PCDH11Y: variants seen among roughly 807,000 people sequenced by gnomAD.
PCDH11Y encodes protocadherin 11 Y-linked, also known as protocadherin-11 Y-linked.
For missense variants in PCDH11Y, 12 were observed against 224.8 expected (o/e 0.05, Z 6.05); for synonymous variants, 9 against 83.6 (o/e 0.11, Z 4.87).
intron 4 of PCDH11Y, among the ~76,000 whole-genome samples, chrY:5,677,777 A>G: frequency 3.0e-5 from 1 of 33,060 alleles, no homozygotes. Flanking sequence ...GTGATTTGTC[A>G]TGCTTTCCAG....
intron 3 of PCDH11Y, among the ~76,000 whole-genome samples, chrY:5,569,610 A>G: frequency 3.0e-5 from 1 of 33,459 alleles, no homozygotes; most frequent in Non-Finnish European, 7.4e-5. Context: ...ATTGCTACTT[A>G]GGGATCCGGG....
intron 2 of PCDH11Y, among the ~76,000 whole-genome samples, chrY:5,451,070 G>C: frequency 3.1e-5 from 1 of 32,466 alleles, no homozygotes; most frequent in Non-Finnish European, 7.6e-5. Context: ...GGGTTGACAG[G>C]CTCTAAATAT....
intron 2 of PCDH11Y, among the ~76,000 whole-genome samples, chrY:5,493,204 C>G: frequency 3.0e-5 from 1 of 33,624 alleles, no homozygotes; most frequent in Non-Finnish European, 7.4e-5. Context: ...TTTCCTCTTT[C>G]ATTGTATGCT....
At chrY:5,314,278 A>T in intron 2 of PCDH11Y, among the ~76,000 whole-genome samples, 1 of 27,844 alleles carries the variant, frequency 3.6e-5, no homozygotes, top group Admixed American at 3.5e-4. Context: ...CCTCCCAAGT[A>T]GCTGGGATTA....
At chrY:5,688,636 C>T in intron 4 of PCDH11Y, among the ~76,000 whole-genome samples, 1 of 29,429 alleles carries the variant, frequency 3.4e-5, no homozygotes, top group Non-Finnish European at 8.1e-5. Flanking sequence ...TTAATGCACA[C>T]TCAGATAAAA....
chrY:5,701,907 T>C, intron 4 of PCDH11Y, among the ~76,000 whole-genome samples: 2 of 33,631 alleles, frequency 5.9e-5, no homozygotes, highest in South Asian at 1.3e-3. Flanking sequence ...AACTCACCTC[T>C]TGCATTAGCG....
intron 2 of PCDH11Y, among the ~76,000 whole-genome samples, chrY:5,278,351 A>G (rs2053047442): frequency 3.1e-5 from 1 of 31,787 alleles, no homozygotes; most frequent in African/African-American, 1.2e-4. Flanking sequence ...GCGTTTCACC[A>G]TCTTGGCCAG....
chrY:5,616,223 G>A (rs2053493659), intron 4 of PCDH11Y, among the ~76,000 whole-genome samples: 1 of 33,647 alleles, frequency 3.0e-5, no homozygotes, highest in Admixed American at 2.7e-4. Context: ...TTGGGCAATA[G>A]TTAAAGTGGT....
intron 4 of PCDH11Y, among the ~76,000 whole-genome samples, chrY:5,675,063 A>G: frequency 5.9e-5 from 2 of 33,872 alleles, no homozygotes; most frequent in Non-Finnish European, 1.5e-4. Flanking sequence ...GCTATGAAGA[A>G]ATACCCAAAA....
At chrY:5,194,370 G>C (rs2124648798) in intron 2 of PCDH11Y, among the ~76,000 whole-genome samples, 3 of 26,620 alleles carry the variant, frequency 1.1e-4, no homozygotes, top group Non-Finnish European at 2.6e-4. Flanking sequence ...GGTGGTTGAG[G>C]CTGCAGTGAG....
chrY:5,247,811 A>G (rs2052998619), intron 2 of PCDH11Y, among the ~76,000 whole-genome samples: 252 of 32,078 alleles, frequency 7.9e-3, no homozygotes, highest in African/African-American at 0.028. Flanking sequence ...CAAAAAAAAA[A>G]TTAACAAAAT....
intron 4 of PCDH11Y, among the ~76,000 whole-genome samples, chrY:5,626,047 G>A (rs2053507013): frequency 3.3e-5 from 1 of 30,688 alleles, no homozygotes; most frequent in Non-Finnish European, 7.9e-5. Flanking sequence ...GGATTTTTCT[G>A]TTTGTTAGGC....
chrY:5,407,689 A>G (rs1602920798), intron 2 of PCDH11Y, among the ~76,000 whole-genome samples: 73 of 32,149 alleles, frequency 2.3e-3, no homozygotes, highest in South Asian at 6.3e-3. Context: ...CAAGGCGGGC[A>G]GATCATGAGG....
intron 3 of PCDH11Y, among the ~76,000 whole-genome samples, chrY:5,044,334 G>C (rs1602846571): frequency 3.0e-5 from 1 of 33,210 alleles, no homozygotes; most frequent in East Asian, 8.0e-4. Context: ...TAGTTTCAAA[G>C]AACATCTTTA....
chrY:5,273,573 G>C, intron 2 of PCDH11Y, among the ~76,000 whole-genome samples: 1 of 33,900 alleles, frequency 2.9e-5, no homozygotes, highest in African/African-American at 1.2e-4. Flanking sequence ...GAGTTTATCT[G>C]AAGACCTGGG....
At chrY:5,093,903 C>T in intron 1 of PCDH11Y, among the ~76,000 whole-genome samples, 3 of 32,682 alleles carry the variant, frequency 9.2e-5, no homozygotes, top group African/African-American at 3.5e-4. Flanking sequence ...TGAATGTGTT[C>T]ACATATGCCA....
intron 2 of PCDH11Y, among the ~76,000 whole-genome samples, chrY:5,234,368 C>A: frequency 3.5e-5 from 1 of 28,646 alleles, no homozygotes; most frequent in Non-Finnish European, 8.2e-5. Flanking sequence ...CTCAGCCTCC[C>A]AAGTAGCTGG....
intron 3 of PCDH11Y, among the ~76,000 whole-genome samples, chrY:5,577,018 T>A: frequency 3.0e-5 from 1 of 33,319 alleles, no homozygotes; most frequent in South Asian, 6.6e-4. Flanking sequence ...TCTAACTTGT[T>A]GTGTTAGTCT....
intron 1 of PCDH11Y, among the ~76,000 whole-genome samples, chrY:5,023,266 T>C (rs2052573061): frequency 3.0e-5 from 1 of 33,517 alleles, no homozygotes; most frequent in African/African-American, 1.2e-4. Context: ...CACACTTAGA[T>C]GACAGTATAT....
Sources: allele counts gnomAD v4.1 joint callset (sites outside exome capture counted in the v4.1 genomes callset), GRCh38; gene constraint gnomAD v4.1.1; transcripts MANE v1.5; gene names NCBI Gene and HGNC (gene_info 2026-07-23, HGNC 2026-07-21).